Variants in RPS6KA3 observed in about 807,000 individuals in gnomAD.
RPS6KA3 encodes ribosomal protein S6 kinase alpha-3.
Under a neutral mutation model 67.2 loss-of-function variants are expected in RPS6KA3, and 4 were observed. The ratio of observed to expected loss-of-function variants is 0.06; its 90% CI spans 0.03 to 0.14. The LOEUF (loss-of-function observed/expected upper bound fraction) is 0.14, where lower values mean the gene tolerates loss of function less well. Ranked by LOEUF, RPS6KA3 falls within the 10% of genes least tolerant of loss-of-function variation. The pLI, the probability that RPS6KA3 is intolerant of heterozygous loss-of-function variation, is 1.00. For synonymous variants in RPS6KA3, 182 were observed against 183.7 expected (o/e 0.99, Z 0.07); for missense variants, 204 against 559.0 (o/e 0.36, Z 6.40).
At position 20,186,343 on chromosome X, in the gene RPS6KA3, G is replaced by T. The variant is rs2230488; in HGVS notation, c.798C>A (p.Leu266=). The change falls in exon 10 of 22, where the codon CTC becomes CTA. Residue 266 remains leucine (L), a synonymous_variant. Transcript: ENST00000379565. ...VLMFEMLTGT[L]PFQGKDRKET... is the part of the protein sequence containing the mutation. ...CTTTTCGATCTTTTCCTTGGAAAGG[G>T]AGTGTACCAGTAAGCATTTCAAACT... The T allele has an allele frequency of 0.17, 197,052 of 1,175,716 alleles. 14,934 individuals carry two copies. Among genetic ancestry groups the T allele is most frequent in the African/African-American group, 0.49 (27,019 of 55,403 alleles).
chrX:20,193,868 T>A (rs1205599380), intron 6 of RPS6KA3, among the ~76,000 whole-genome samples: 1 of 112,419 alleles, frequency 8.9e-6, no homozygotes, highest in Non-Finnish European at 1.9e-5. Flanking sequence ...GACAGTAACA[T>A]TTTAGAAATG....
At chrX:20,163,568 T>C (rs1411595390) in intron 18 of RPS6KA3, among the ~76,000 whole-genome samples, 1 of 111,516 alleles carries the variant, frequency 9.0e-6, no homozygotes, top group East Asian at 2.8e-4. Context: ...TAGGGTATGG[T>C]GGCTCACGCC....
intron 1 of RPS6KA3, among the ~76,000 whole-genome samples, chrX:20,255,786 T>A (rs758381742): frequency 2.2e-4 from 4 of 17,996 alleles, no homozygotes; most frequent in East Asian, 2.2e-3. Flanking sequence ...CAAAATTTCG[T>A]CTCAAAAAAA....
chrX:20,162,710 G>A (rs1292362858), intron 19 of RPS6KA3, among the ~76,000 whole-genome samples: 1 of 110,168 alleles, frequency 9.1e-6, no homozygotes, highest in East Asian at 2.8e-4. Flanking sequence ...GTGTGGTGGT[G>A]CACTCCTGTA....
At chrX:20,211,158 C>T (rs187132879) in intron 2 of RPS6KA3, among the ~76,000 whole-genome samples, 24 of 111,256 alleles carry the variant, frequency 2.2e-4, no homozygotes, top group Non-Finnish European at 4.3e-4. Context: ...AATCTGACCA[C>T]GTATTTAATG....
chrX:20,235,724 T>A (rs766929102), intron 1 of RPS6KA3, among the ~76,000 whole-genome samples: 2 of 111,298 alleles, frequency 1.8e-5, no homozygotes, highest in African/African-American at 3.3e-5. Context: ...AAAGTGTGAA[T>A]CAGCACAAAC....
At chrX:20,197,637 G>A (rs1438041353) in intron 4 of RPS6KA3, among the ~76,000 whole-genome samples, 1 of 111,810 alleles carries the variant, frequency 8.9e-6, no homozygotes, top group Non-Finnish European at 1.9e-5. Context: ...AACTGAAAAT[G>A]AGCAGTGAGA....
intron 11 of RPS6KA3, 78 bp from the exon 12 acceptor site, chrX:20,176,576 G>A: frequency 1.7e-6 from 1 of 605,573 alleles, no homozygotes; most frequent in Non-Finnish European, 2.7e-6. Context: ...TTCAATACTT[G>A]TCTAATTAAT....
intron 2 of RPS6KA3, among the ~76,000 whole-genome samples, chrX:20,229,658 GA>G (rs753131652): frequency 8.9e-6 from 1 of 112,056 alleles, no homozygotes; most frequent in Non-Finnish European, 1.9e-5. Context: ...TTGACAAAAG[GA>G]AAACTTTTAA....
chrX:20,219,342 A>G (rs777292087), intron 2 of RPS6KA3, among the ~76,000 whole-genome samples: 1 of 111,863 alleles, frequency 8.9e-6, no homozygotes, highest in East Asian at 2.8e-4. Flanking sequence ...TGGTCTCAAG[A>G]TAATTTTAAG....
At chrX:20,170,158 C>A (rs994178567) in intron 15 of RPS6KA3, among the ~76,000 whole-genome samples, 5 of 111,901 alleles carry the variant, frequency 4.5e-5, no homozygotes, top group Non-Finnish European at 9.4e-5. Context: ...TTTATATTGG[C>A]TGCTCCTTAA....
At chrX:20,212,327 G>T (rs1238832765) in intron 2 of RPS6KA3, among the ~76,000 whole-genome samples, 1 of 111,000 alleles carries the variant, frequency 9.0e-6, no homozygotes, top group Non-Finnish European at 1.9e-5. Flanking sequence ...GTGAAATGCT[G>T]TCTCTAGTAA....
At chrX:20,172,276 T>C (rs2067592271) in intron 15 of RPS6KA3, among the ~76,000 whole-genome samples, 1 of 112,241 alleles carries the variant, frequency 8.9e-6, no homozygotes, top group East Asian at 2.8e-4. Flanking sequence ...AATTCTGTCT[T>C]AGGATACTTG....
rs1437753467 is a variant in RPS6KA3 at position 20,253,176 on chromosome X, G to C, written c.69+13388C>G. ...CAAAGAAATGGGTGCTTAGGTCTCTGATCTCCCCAGCCCACACCACTGGGT... is the reference window on the plus strand; with the variant it reads ...CAAAGAAATGGGTGCTTAGGTCTCTCATCTCCCCAGCCCACACCACTGGGT... On this transcript the variant is annotated intron_variant, in intron 1 of 21. Transcript: ENST00000379565. Among the ~76,000 whole-genome samples, 7 of 97,716 alleles carry C rather than the reference G, an allele frequency of 7.2e-5. No homozygotes were observed. In the Admixed American group the frequency reaches 8.1e-4, roughly 11 times the overall value. 84.9% of individuals were successfully genotyped at this position (97,716 alleles called of 115,157 possible). A position where few individuals can be genotyped will look rare whatever the true frequency, so the allele number is the denominator to read the frequency against.
chrX:20,197,650 CCTT>C (rs1248011452), intron 4 of RPS6KA3, among the ~76,000 whole-genome samples: 1 of 111,836 alleles, frequency 8.9e-6, no homozygotes, highest in East Asian at 2.8e-4. Flanking sequence ...CAGTGAGAGT[CCTT>C]CTCTAAAGAA....
chrX:20,181,739 G>T (rs767338449), intron 10 of RPS6KA3, among the ~76,000 whole-genome samples: 1 of 111,538 alleles, frequency 9.0e-6, no homozygotes, highest in Admixed American at 9.6e-5. Flanking sequence ...GCAACCAGAA[G>T]ATCACTGATA....
In RPS6KA3 at chrX:20,165,052, A is replaced by G. The variant is rs750413385; in HGVS notation, c.1611T>C (p.His537=). The stretch of plus-strand genomic sequence containing the variant: ...GAATGTTGCTAGGTTTCAAGTCTCT[A>G]TGAACCACCTAATTGAAATACAAAT... ...VEYLHAQGVV[H]RDLKPSNILY... Residue 537 remains histidine, a synonymous_variant, in exon 18 of 22, where the codon CAT becomes CAC. Coordinates refer to ENST00000379565, the MANE Select transcript of RPS6KA3 (RefSeq NM_004586.3). The G allele has an allele frequency of 1.7e-6, 2 of 1,169,088 alleles. No homozygotes were observed. The highest frequency in any genetic ancestry group is 3.6e-5 in the South Asian group (2 of 55,887).
At chrX:20,264,133 C>G (rs2070310362) in intron 1 of RPS6KA3, among the ~76,000 whole-genome samples, 1 of 112,011 alleles carries the variant, frequency 8.9e-6, no homozygotes, top group Non-Finnish European at 1.9e-5. Flanking sequence ...CTTGAAATAG[C>G]TGAACAAGCA....
chrX:20,202,073 G>A (rs761094723), intron 4 of RPS6KA3, among the ~76,000 whole-genome samples: 1 of 101,972 alleles, frequency 9.8e-6, no homozygotes, highest in East Asian at 3.1e-4. Flanking sequence ...TCCGCCCCCC[G>A]TGTTTAAGCG....
Sources: gnomAD v4.1 joint callset for allele counts (sites outside exome capture counted in the v4.1 genomes callset) on GRCh38, gnomAD v4.1.1 for gene constraint, MANE v1.5 for transcripts, NCBI Gene and HGNC (gene_info 2026-07-23, HGNC 2026-07-21) for gene names.